The following PGCKA1 variants were observed in gnomAD, a reference collection of about 807,000 sequenced individuals.
PGCKA1 encodes PDCD10 and GCKIII kinases-associated protein 1.
chr4:37,563,413 C>A, the PGCKA1 span, among the ~76,000 whole-genome samples: 1 of 152,106 alleles, frequency 6.6e-6, no homozygotes, highest in Non-Finnish European at 1.5e-5. Context: ...GCACCATTCG[C>A]TTTCGCTCAC....
At chr4:37,498,811 CT>C in the PGCKA1 span, among the ~76,000 whole-genome samples, 4 of 152,090 alleles carry the variant, frequency 2.6e-5, no homozygotes, top group African/African-American at 9.7e-5. Flanking sequence ...TTTGGATACT[CT>C]TTATTTCTCT....
At chr4:37,465,923 C>A in the PGCKA1 span, among the ~76,000 whole-genome samples, 7 of 152,066 alleles carry the variant, frequency 4.6e-5, no homozygotes, top group Non-Finnish European at 1.0e-4. Context: ...TTGAGGTCAC[C>A]TAAGAGCTTA....
the PGCKA1 span, among the ~76,000 whole-genome samples, chr4:37,526,307 G>A: frequency 6.6e-6 from 1 of 152,174 alleles, no homozygotes; most frequent in Non-Finnish European, 1.5e-5. Context: ...ATACATATAG[G>A]TCTAGAATCA....
chr4:37,486,123 C>T, the PGCKA1 span, among the ~76,000 whole-genome samples: 92 of 152,332 alleles, frequency 6.0e-4, no homozygotes, highest in African/African-American at 2.1e-3. Flanking sequence ...AGTGCTGCCA[C>T]GTCTATACCA....
At chr4:37,571,183 G>A in the PGCKA1 span, among the ~76,000 whole-genome samples, 2 of 152,154 alleles carry the variant, frequency 1.3e-5, no homozygotes, top group South Asian at 4.2e-4. Flanking sequence ...CCTCTAAGAT[G>A]CAACAACAGC....
chr4:37,588,574 A>G, the PGCKA1 span: 1 of 370,906 alleles, frequency 2.7e-6, no homozygotes, highest in Non-Finnish European at 5.0e-6. Context: ...CCTCATCTGC[A>G]AAATGGGGAT....
the PGCKA1 span, among the ~76,000 whole-genome samples, chr4:37,579,712 C>A: frequency 6.6e-6 from 1 of 152,012 alleles, no homozygotes; most frequent in Non-Finnish European, 1.5e-5. Flanking sequence ...TTTCTTTATC[C>A]TTGACCTTTG....
chr4:37,569,643 C>A, the PGCKA1 span, among the ~76,000 whole-genome samples: 1 of 152,098 alleles, frequency 6.6e-6, no homozygotes, highest in Non-Finnish European at 1.5e-5. Context: ...CAGAAGTATT[C>A]TACAAAACAT....
At chr4:37,544,328 T>C in the PGCKA1 span, among the ~76,000 whole-genome samples, 2 of 152,322 alleles carry the variant, frequency 1.3e-5, no homozygotes, top group East Asian at 1.9e-4. Flanking sequence ...ATTTTGATTC[T>C]ATTTTTAACC....
the PGCKA1 span, among the ~76,000 whole-genome samples, chr4:37,573,959 G>T: frequency 6.6e-6 from 1 of 152,172 alleles, no homozygotes; most frequent in Non-Finnish European, 1.5e-5. Context: ...GGAGGCCAAG[G>T]TGGGTGGATC....
the PGCKA1 span, among the ~76,000 whole-genome samples, chr4:37,553,514 TG>T: frequency 6.6e-6 from 1 of 152,226 alleles, no homozygotes; most frequent in South Asian, 2.1e-4. Context: ...AACTATAATA[TG>T]GGATTAATGC....
chr4:37,516,709 A>G, the PGCKA1 span, among the ~76,000 whole-genome samples: 1 of 152,198 alleles, frequency 6.6e-6, no homozygotes, highest in Non-Finnish European at 1.5e-5. Context: ...AAAATGAACA[A>G]TTTATAAAGT....
At chr4:37,525,220 C>A in the PGCKA1 span, among the ~76,000 whole-genome samples, 1 of 152,050 alleles carries the variant, frequency 6.6e-6, no homozygotes, top group African/African-American at 2.4e-5. Flanking sequence ...TTTATAGCAA[C>A]CTGGTAAGTA....
chr4:37,514,986 G>A, the PGCKA1 span, among the ~76,000 whole-genome samples: 91,993 of 151,682 alleles, frequency 0.61, 28,577 homozygotes, highest in African/African-American at 0.73. Context: ...CAACCTAAGA[G>A]AACACTTCGT....
chr4:37,565,447 G>A, the PGCKA1 span, among the ~76,000 whole-genome samples: 2 of 152,142 alleles, frequency 1.3e-5, no homozygotes, highest in Non-Finnish European at 2.9e-5. Flanking sequence ...AGCCATGGAG[G>A]AGGAGCAGCA....
chr4:37,473,541 T>C, the PGCKA1 span, among the ~76,000 whole-genome samples: 33 of 152,228 alleles, frequency 2.2e-4, no homozygotes, highest in Admixed American at 7.9e-4. Context: ...AAATAGAATA[T>C]AAGATTTATA....
the PGCKA1 span, chr4:37,590,973 A>T: frequency 6.2e-7 from 1 of 1,612,980 alleles, no homozygotes; most frequent in African/African-American, 1.3e-5. Context: ...CTGCTACTGC[A>T]GGAGAAGATT....
the PGCKA1 span, among the ~76,000 whole-genome samples, chr4:37,565,362 C>A: frequency 6.6e-6 from 1 of 152,138 alleles, no homozygotes; most frequent in African/African-American, 2.4e-5. Context: ...GGCCATGTAT[C>A]CTCATGTAGA....
chr4:37,532,908 A>G, the PGCKA1 span, among the ~76,000 whole-genome samples: 2 of 98,120 alleles, frequency 2.0e-5, no homozygotes, highest in East Asian at 2.2e-4. Context: ...TGTATGTACT[A>G]TGTTTTGCTA....
Sources: allele counts gnomAD v4.1 joint callset (sites outside exome capture counted in the v4.1 genomes callset), GRCh38; gene constraint gnomAD v4.1.1; transcripts MANE v1.5; gene names NCBI Gene and HGNC (gene_info 2026-07-23, HGNC 2026-07-21).